Variants in MRPL18 observed in about 807,000 individuals in gnomAD.
MRPL18 encodes mitochondrial ribosomal protein L18, also known as large ribosomal subunit protein uL18m.
MRPL18 carries 16 observed loss-of-function variants against 20.9 expected under a neutral mutation model. That is an observed-to-expected ratio of 0.76 (90% CI 0.52 to 1.16). The LOEUF (loss-of-function observed/expected upper bound fraction) is 1.16, where lower values mean the gene tolerates loss of function less well. MRPL18 is among the 50% of genes most tolerant of loss of function. MRPL18 has a pLI of 0.00. For synonymous variants in MRPL18, 91 were observed against 87.1 expected, an observed-to-expected ratio of 1.04 and a Z score of -0.25; for missense variants, 233 against 230.6, an observed-to-expected ratio of 1.01 and a Z score of -0.07.
At chr6:159,793,539 C>G (rs1417463439) in intron 2 of MRPL18, among the ~76,000 whole-genome samples, 1 of 152,168 alleles carries the variant, frequency 6.6e-6, no homozygotes, top group Admixed American at 6.5e-5. Flanking sequence ...TCAACAGAAG[C>G]TATTGGACCT....
At chr6:159,794,040 G>A (rs1378504787) in intron 2 of MRPL18, among the ~76,000 whole-genome samples, 1 of 152,110 alleles carries the variant, frequency 6.6e-6, no homozygotes, top group East Asian at 1.9e-4. Flanking sequence ...TAATGATTTG[G>A]GTGTGTTTTC....
upstream of MRPL18, chr6:159,790,403 A>T: frequency 2.9e-6 from 2 of 699,328 alleles, no homozygotes; most frequent in Admixed American, 4.6e-5. Context: ...AGGATAACAG[A>T]TCGCCTTCTC....
At chr6:159,797,632 C>A (rs566017265) in intron 3 of MRPL18, 114 bp downstream of exon 3, 34 of 922,924 alleles carry the variant, frequency 3.7e-5, no homozygotes, top group South Asian at 2.6e-4. Context: ...GTGTCAGACC[C>A]TTTGGTGAGT....
In MRPL18 at chr6:159,790,531, G is replaced by A; in HGVS notation, c.-57G>A. The A allele has an allele frequency of 5.0e-6, 8 of 1,612,294 alleles. No individual in the cohort carries two copies. The highest frequency in any genetic ancestry group is 6.8e-6 in the Non-Finnish European group (8 of 1,178,550). ...GACTTTATATGGCTGCTCCTGGCGA[G>A]CGACTGAGTCGTCCGTGAGGAAAAA... On this transcript the variant is annotated 5_prime_UTR_variant, in exon 1 of 4. Transcript: ENST00000367034.
At position 159,797,275 on chromosome 6, in the gene MRPL18, C is replaced by T. The variant is rs2115012457; in HGVS notation, c.240-12C>T. On this transcript the variant is annotated splice_polypyrimidine_tract_variant and intron_variant, in intron 2 of 3. Transcript: ENST00000367034. ...TTCTTCTGTGATTTTATTATCTTCT[C>T]ACCCCATTTAGGTTGCGAGTTATAA... 1.9e-6 allele frequency: 3 copies of T among 1,605,730 alleles called. No individual in the cohort carries two copies. The highest frequency in any genetic ancestry group is 2.6e-6 in the Non-Finnish European group (3 of 1,172,446).
At chr6:159,797,224 CAATT>C in intron 2 of MRPL18, 59 bp from the exon 3 acceptor site, 1 of 1,396,764 alleles carries the variant, frequency 7.2e-7, no homozygotes. Context: ...TTATTCACCT[CAATT>C]AATGTAACTT....
At chr6:159,795,164 TTATAC>T (rs1474962090) in intron 2 of MRPL18, among the ~76,000 whole-genome samples, 1 of 152,184 alleles carries the variant, frequency 6.6e-6, no homozygotes, top group African/African-American at 2.4e-5. Flanking sequence ...CAATCGGGTT[TTATAC>T]CGAGACAGTG....
At chr6:159,795,177 G>A (rs554239904) in intron 2 of MRPL18, among the ~76,000 whole-genome samples, 34 of 152,334 alleles carry the variant, frequency 2.2e-4, no homozygotes, top group African/African-American at 6.5e-4. Flanking sequence ...TACCGAGACA[G>A]TGCATTGCCC....
intron 2 of MRPL18, among the ~76,000 whole-genome samples, chr6:159,793,944 A>G (rs1780972475): frequency 6.6e-6 from 1 of 152,060 alleles, no homozygotes; most frequent in Admixed American, 6.6e-5. Flanking sequence ...ATTTTTTACT[A>G]GAGCCACCAG....
At chr6:159,794,503 A>G (rs959953200) in intron 2 of MRPL18, among the ~76,000 whole-genome samples, 13 of 152,230 alleles carry the variant, frequency 8.5e-5, no homozygotes, top group African/African-American at 2.9e-4. Flanking sequence ...TATTATCTTC[A>G]TCATTATAAA....
At chr6:159,794,911 A>G (rs1780992264) in intron 2 of MRPL18, among the ~76,000 whole-genome samples, 3 of 152,240 alleles carry the variant, frequency 2.0e-5, no homozygotes, top group East Asian at 3.8e-4. Context: ...TTTATTGATC[A>G]TTCGTGGGTG....
At chr6:159,796,255 A>G (rs1781026742) in intron 2 of MRPL18, among the ~76,000 whole-genome samples, 1 of 150,204 alleles carries the variant, frequency 6.7e-6, no homozygotes, top group South Asian at 2.1e-4. Flanking sequence ...TGAGGTGGGT[A>G]GACTGCTTGA....
rs79336325 is a variant in MRPL18 at position 159,790,616 on chromosome 6, T to G, written c.29T>G (p.Leu10Trp). Reference protein sequence around the residue: MALRSRFWGLFSVCRNPGCR... With the variant: MALRSRFWGWFSVCRNPGCR... Reference sequence around the variant, plus strand: ...GCGCTTCGGTCGCGGTTTTGGGGGTTGTTCTCGGTTTGCAGGAACCCTGGT... The same window carrying G: ...GCGCTTCGGTCGCGGTTTTGGGGGTGGTTCTCGGTTTGCAGGAACCCTGGT... The change falls in exon 1 of 4, where the codon TTG becomes TGG. Residue 10 changes from leucine to tryptophan, a missense_variant. Coordinates refer to ENST00000367034, the MANE Select transcript of MRPL18 (RefSeq NM_014161.5). The G allele has an allele frequency of 3.7e-4, 40 of 108,762 alleles. No individual in the cohort carries two copies. The highest frequency in any genetic ancestry group is 6.0e-4 in the Non-Finnish European group (39 of 64,968). 6.7% of individuals were successfully genotyped at this position (108,762 alleles called of 1,614,324 possible). A position where few individuals can be genotyped will look rare whatever the true frequency, so the allele number is the denominator to read the frequency against.
intron 2 of MRPL18, among the ~76,000 whole-genome samples, chr6:159,795,414 G>T (rs996226402): frequency 6.6e-6 from 1 of 152,234 alleles, no homozygotes; most frequent in Admixed American, 6.5e-5. Flanking sequence ...CGCAGTGTTT[G>T]TGTCCCTGGG....
chr6:159,795,276 C>A lies in MRPL18; in HGVS notation c.240-2011C>A, dbSNP rs1027615726. On this transcript the variant is annotated intron_variant, in intron 2 of 3. Transcript: ENST00000367034. Reference sequence around the variant, plus strand: ...ATACTAATCCTCCTCAGCACAGACCCTTTACGGGTGTCAGGCTGGGGGACG... The same window carrying A: ...ATACTAATCCTCCTCAGCACAGACCATTTACGGGTGTCAGGCTGGGGGACG... Among the ~76,000 whole-genome samples the A allele has an allele frequency of 2.0e-5, 3 of 152,184 alleles. No homozygotes were observed. The East Asian group carries it at 5.8e-4, about 29-fold the overall frequency.
chr6:159,795,041 T>A (rs1448949597), intron 2 of MRPL18, among the ~76,000 whole-genome samples: 2 of 152,208 alleles, frequency 1.3e-5, no homozygotes, highest in African/African-American at 4.8e-5. Context: ...GTGCTGTGCT[T>A]TTAGATATGC....
rs1224994000 is a variant in MRPL18, at chr6:159,791,048, G to C, written c.161G>C (p.Arg54Pro). Reference protein sequence around the residue: ...VAPEFTNRNPRNLELLSVARK... With the variant: ...VAPEFTNRNPPNLELLSVARK... Reference sequence around the variant, plus strand: ...CCAGAATTCACCAACCGGAACCCCCGGAACCTGGAGCTTTTATCTGTAGCC... The same window carrying C: ...CCAGAATTCACCAACCGGAACCCCCCGAACCTGGAGCTTTTATCTGTAGCC... The change falls in exon 2 of 4, where the codon CGG becomes CCG. Residue 54 changes from arginine (R) to proline (P), a missense_variant. By Grantham distance (103) the Arg-to-Pro change is moderately radical (BLOSUM62 -2). Coordinates refer to ENST00000367034, the MANE Select transcript of MRPL18 (RefSeq NM_014161.5). The C allele has an allele frequency of 6.2e-7, 1 of 1,614,178 alleles. No homozygotes were observed. Among genetic ancestry groups the C allele is most frequent in the Non-Finnish European group, 8.5e-7 (1 of 1,180,026 alleles).
In MRPL18 at chr6:159,790,650, T is replaced by C. The variant is rs1447949887; in HGVS notation, c.52+11T>C. The C allele has an allele frequency of 2.5e-6, 4 of 1,613,978 alleles. No homozygotes were observed. The highest frequency in any genetic ancestry group is 2.2e-5 in the South Asian group (2 of 91,078). ...TTTGCAGGAACCCTGGTAATTAGTCTTGCCCCCCTTCTCCCAGCTCACTCG... is the reference window on the plus strand; with the variant it reads ...TTTGCAGGAACCCTGGTAATTAGTCCTGCCCCCCTTCTCCCAGCTCACTCG... On this transcript the variant is annotated intron_variant, in intron 1 of 3. Coordinates refer to ENST00000367034, the MANE Select transcript of MRPL18 (RefSeq NM_014161.5).
Position 159,798,311 on chromosome 6 carries a change from C to T in MRPL18, c.*188C>T. ...TTTTTAAATCAAGAACTACGTTCTG[C>T]CCCTCTCTTGGGCTTCAGAAGCATC... On this transcript the variant is annotated 3_prime_UTR_variant, in exon 4 of 4. Transcript: ENST00000367034. The T allele has an allele frequency of 2.0e-6, 1 of 490,590 alleles. No individual in the cohort carries two copies. The highest frequency in any genetic ancestry group is 3.6e-6 in the Non-Finnish European group (1 of 279,174). 30.4% of individuals were successfully genotyped at this position (490,590 alleles called of 1,614,324 possible).
Sources: gnomAD v4.1 joint callset for allele counts (sites outside exome capture counted in the v4.1 genomes callset) on GRCh38, gnomAD v4.1.1 for gene constraint, MANE v1.5 for transcripts, NCBI Gene and HGNC (gene_info 2026-07-23, HGNC 2026-07-21) for gene names.